ASXL3: variants seen among roughly 807,000 people sequenced by gnomAD.
ASXL3 encodes the protein putative Polycomb group protein ASXL3.
Under a neutral mutation model 170.6 loss-of-function variants are expected in ASXL3, and 34 were observed. The ratio of observed to expected loss-of-function variants is 0.20; its 90% confidence interval spans 0.15 to 0.27. The LOEUF (loss-of-function observed/expected upper bound fraction) is 0.27. Among genes scored for constraint, ASXL3 ranks in the 10% least tolerant of loss-of-function variants. The pLI, the probability that ASXL3 is intolerant of heterozygous loss-of-function variation, is 1.00. For synonymous variants in ASXL3, 1,002 were observed against 989.1 expected (o/e 1.01, Z -0.24); for missense variants, 2,592 against 2,695.3 (o/e 0.96, Z 0.85).
At position 33,744,564 on chromosome 18, in the gene ASXL3, G is replaced by C. The variant is rs377593747; in HGVS notation, c.4716G>C (p.Pro1572=). The C allele has an allele frequency of 1.2e-6, 2 of 1,611,200 alleles. No homozygotes were observed. Among genetic ancestry groups the C allele is most frequent in the African/African-American group, 2.7e-5 (2 of 74,992 alleles). The change falls in exon 12 of 12, where the codon CCG becomes CCC. Residue 1572 remains proline, a synonymous_variant. Coordinates refer to ENST00000269197, the MANE Select transcript of ASXL3 (RefSeq NM_030632.3). ...LPLVPDKLNE[P]TAPSHNFAEQ... is the part of the protein sequence containing the mutation. ...TTGTTCCAGATAAATTAAATGAGCC[G>C]ACTGCTCCCAGTCATAACTTTGCTG...
At chr18:33,617,490 C>CAAACA (rs1336792127) in intron 2 of ASXL3, among the ~76,000 whole-genome samples, 1 of 152,102 alleles carries the variant, frequency 6.6e-6, no homozygotes, top group Admixed American at 6.6e-5. Flanking sequence ...GACTCCATCT[C>CAAACA]AAACAAAACA....
chr18:33,746,496 G>T lies in ASXL3; in HGVS notation c.6648G>T (p.Arg2216=), dbSNP rs1218545731. ...AATTGGAACTGAAATGCTCTTGCCG[G>T]CTGAAAGCCATGATTGTGTGCAAAG... is the stretch of plus-strand genomic sequence containing the variant. ...ADELELKCSC[R]LKAMIVCKGC... Residue 2216 remains arginine, a synonymous_variant, in exon 12 of 12, where the codon CGG becomes CGT. Coordinates refer to ENST00000269197, the MANE Select transcript of ASXL3 (RefSeq NM_030632.3). The T allele has an allele frequency of 4.3e-6, 7 of 1,613,854 alleles. No individual in the cohort carries two copies. The highest frequency in any genetic ancestry group is 1.3e-5 in the African/African-American group (1 of 74,946).
At chr18:33,733,455 C>T (rs1266916093) in intron 9 of ASXL3, among the ~76,000 whole-genome samples, 1 of 152,166 alleles carries the variant, frequency 6.6e-6, no homozygotes, top group Non-Finnish European at 1.5e-5. Context: ...GTTACTTGTA[C>T]TTGACCCCTC....
At chr18:33,651,587 G>GT (rs555040076) in intron 4 of ASXL3, among the ~76,000 whole-genome samples, 6 of 152,078 alleles carry the variant, frequency 3.9e-5, no homozygotes, top group Non-Finnish European at 7.4e-5. Context: ...CCATCAATTT[G>GT]TAACATACCC....
intron 8 of ASXL3, among the ~76,000 whole-genome samples, chr18:33,720,677 T>C (rs1377339307): frequency 6.6e-6 from 1 of 152,090 alleles, no homozygotes; most frequent in African/African-American, 2.4e-5. Context: ...GTAGATACAC[T>C]GTGAACACCA....
At chr18:33,675,875 A>C (rs563695775) in intron 7 of ASXL3, among the ~76,000 whole-genome samples, 39 of 152,246 alleles carry the variant, frequency 2.6e-4, no homozygotes, top group Middle Eastern at 3.4e-3. Context: ...TAAGAAGAAG[A>C]AGCTTCAAAA....
rs778221486 is a variant in ASXL3 at position 33,746,437 on chromosome 18, G to A, written c.6589G>A (p.Val2197Ile). ...GLSGQNAQMP[V>I]QNFADSSNAD... ...GTCTGGTCAGAACGCTCAGATGCCC[G>A]TTCAGAACTTTGCCGACAGCAGCAA... The change falls in exon 12 of 12, where the codon GTT becomes ATT. Residue 2197 changes from valine to isoleucine, a missense_variant. By Grantham distance (29) the Val-to-Ile change is conservative (BLOSUM62 3). Coordinates refer to ENST00000269197, the MANE Select transcript of ASXL3 (RefSeq NM_030632.3). 31 of 1,613,894 alleles carry A rather than the reference G, an allele frequency of 1.9e-5. No homozygotes were observed. The highest frequency in any genetic ancestry group is 1.1e-4 in the East Asian group (5 of 44,890).
chr18:33,595,014 A>T (rs1008480866), intron 1 of ASXL3, among the ~76,000 whole-genome samples: 8 of 152,196 alleles, frequency 5.3e-5, no homozygotes, highest in African/African-American at 1.7e-4. Context: ...TGGAAACAGG[A>T]ACACACATTT....
intron 1 of ASXL3, among the ~76,000 whole-genome samples, chr18:33,588,843 C>A (rs1165073145): frequency 6.6e-6 from 1 of 152,074 alleles, no homozygotes; most frequent in Non-Finnish European, 1.5e-5. Context: ...AAGTCTTCTC[C>A]TCCTTTCTTT....
intron 8 of ASXL3, among the ~76,000 whole-genome samples, chr18:33,691,644 G>GA (rs2066688015): frequency 6.6e-6 from 1 of 152,116 alleles, no homozygotes; most frequent in Non-Finnish European, 1.5e-5. Flanking sequence ...TGTTCTAGAG[G>GA]AGAGAGAGAG....
At chr18:33,708,904 GTTATA>G (rs1323614333) in intron 8 of ASXL3, among the ~76,000 whole-genome samples, 5 of 152,072 alleles carry the variant, frequency 3.3e-5, no homozygotes, top group African/African-American at 9.7e-5. Context: ...TAATCAATCA[GTTATA>G]TTATGATTGA....
rs563933779 is a variant in ASXL3, at chr18:33,639,013, T to C, written c.138-5881T>C. Among the ~76,000 whole-genome samples the C allele has an allele frequency of 2.0e-5, 3 of 152,184 alleles. No individual in the cohort carries two copies. The South Asian group carries it at 6.2e-4, about 31-fold the overall frequency. On this transcript the variant is annotated intron_variant, in intron 2 of 11. Coordinates refer to ENST00000269197, the MANE Select transcript of ASXL3 (RefSeq NM_030632.3). ...AAATGAAATTAGAAATTAAAATCTTTTTAAAAATTAAAATATTACCTGAGC... is the reference window on the plus strand; with the variant it reads ...AAATGAAATTAGAAATTAAAATCTTCTTAAAAATTAAAATATTACCTGAGC...
intron 4 of ASXL3, among the ~76,000 whole-genome samples, chr18:33,655,687 G>T (rs1032929520): frequency 4.6e-5 from 7 of 151,998 alleles, no homozygotes; most frequent in Non-Finnish European, 8.8e-5. Context: ...GGTTTTCCCT[G>T]TTCAAGTCTT....
chr18:33,715,420 A>C (rs1033958975), intron 8 of ASXL3, among the ~76,000 whole-genome samples: 1 of 152,202 alleles, frequency 6.6e-6, no homozygotes, highest in South Asian at 2.1e-4. Flanking sequence ...TCTGCCCCAT[A>C]TTATCACTTT....
At chr18:33,603,877 A>T (rs73955160) in intron 1 of ASXL3, among the ~76,000 whole-genome samples, 415 of 152,216 alleles carry the variant, frequency 2.7e-3, no homozygotes, top group African/African-American at 8.9e-3. Flanking sequence ...TTTTATGTAA[A>T]AATTGAGCAC....
intron 7 of ASXL3, among the ~76,000 whole-genome samples, chr18:33,680,257 A>C (rs1423520591): frequency 1.3e-5 from 2 of 152,052 alleles, no homozygotes; most frequent in Non-Finnish European, 2.9e-5. Flanking sequence ...CATATAATGG[A>C]TATGTAGGGT....
chr18:33,616,310 G>A (rs1263117211), intron 2 of ASXL3, among the ~76,000 whole-genome samples: 1 of 151,840 alleles, frequency 6.6e-6, no homozygotes, highest in Non-Finnish European at 1.5e-5. Context: ...AGTATTTGTG[G>A]TTCATTGTGA....
chr18:33,587,569 TAC>T (rs2145093795), intron 1 of ASXL3, among the ~76,000 whole-genome samples: 1 of 152,280 alleles, frequency 6.6e-6, no homozygotes, highest in South Asian at 2.1e-4. Flanking sequence ...AACTTTGAGA[TAC>T]AGACTCACAT....
chr18:33,740,548 C>A, intron 11 of ASXL3, 105 bp downstream of exon 11: 1 of 1,149,644 alleles, frequency 8.7e-7, no homozygotes, highest in Non-Finnish European at 1.2e-6. Flanking sequence ...AGGTTTTATG[C>A]AGCAGTTTAT....
Sources: gnomAD v4.1 joint callset for allele counts (sites outside exome capture counted in the v4.1 genomes callset) on GRCh38, gnomAD v4.1.1 for gene constraint, MANE v1.5 for transcripts, NCBI Gene and HGNC (gene_info 2026-07-23, HGNC 2026-07-21) for gene names.